Variants in CSF1R observed in about 807,000 individuals in gnomAD.
CSF1R encodes colony stimulating factor 1 receptor.
Under a neutral mutation model 110.0 loss-of-function variants are expected in CSF1R, and 40 were observed. The ratio of observed to expected loss-of-function variants is 0.36; its 90% CI spans 0.28 to 0.47. CSF1R has a LOEUF of 0.47. CSF1R is among the 20% of genes least tolerant of loss of function. CSF1R has a pLI of 0.99. For missense variants in CSF1R, 1,052 were observed against 1,253.0 expected (o/e 0.84, Z 2.42); for synonymous variants, 523 against 503.4 (o/e 1.04, Z -0.52).
intron 1 of CSF1R, among the ~76,000 whole-genome samples, chr5:150,083,269 C>T (rs1339188253): frequency 6.6e-6 from 1 of 151,018 alleles, no homozygotes; most frequent in Non-Finnish European, 1.5e-5. Flanking sequence ...TGCCCCACAC[C>T]TCTCCACTAG....
Position 150,073,411 on chromosome 5 carries a change from C to A in CSF1R, c.972G>T (p.Met324Ile), listed in dbSNP as rs769997344. ...CTTGCAGGCCTGGGTAGGCCTCCAC[C>A]ATGACTTTGAGGTTGAGCCCCTCCC... is the stretch of plus-strand genomic sequence containing the variant. ...TVGEGLNLKV[M>I]VEAYPGLQGF... The change falls in exon 6 of 21, where the codon ATG becomes ATT. Residue 324 changes from methionine to isoleucine, a missense_variant. Met to Ile is a conservative substitution (Grantham distance 10). Coordinates refer to ENST00000675795, the MANE Select transcript of CSF1R (RefSeq NM_001288705.3). The A allele has an allele frequency of 1.9e-6, 3 of 1,614,138 alleles. No individual in the cohort carries two copies. Among genetic ancestry groups the A allele is most frequent in the Non-Finnish European group, 2.5e-6 (3 of 1,180,020 alleles).
chr5:150,067,554 T>C (rs201214832), intron 10 of CSF1R, among the ~76,000 whole-genome samples: 2 of 126,732 alleles, frequency 1.6e-5, no homozygotes, highest in Non-Finnish European at 3.4e-5. Context: ...GAGCAGACAG[T>C]GACAGGAAGC....
Position 150,086,503 on chromosome 5 carries a change from C to T in CSF1R, c.-76G>A, listed in dbSNP as rs915872263. On this transcript the variant is annotated 5_prime_UTR_variant, in exon 1 of 21. Transcript: ENST00000675795. ...GCACAGAGCTCTCAGCTACTAGCTCCGCAGGGATCGGGACACTGGACACAC... is the reference window on the plus strand; with the variant it reads ...GCACAGAGCTCTCAGCTACTAGCTCTGCAGGGATCGGGACACTGGACACAC... 8.4e-6 allele frequency: 12 copies of T among 1,433,944 alleles called. No homozygotes were observed. In the East Asian group the frequency reaches 9.6e-5, roughly 11 times the overall value. The allele number at this position is 1,433,944 out of a possible 1,614,324, so 88.8% of individuals were successfully genotyped here. A position where few individuals can be genotyped will look rare whatever the true frequency, so the allele number is the denominator to read the frequency against.
chr5:150,053,604 C>T lies in CSF1R; in HGVS notation c.*465G>A. ...GAGGAGCCATCCTGCTCCAAGGGGCCTGAGCTGAGTGTGGTCTGTGAGCAT... is the reference window on the plus strand; with the variant it reads ...GAGGAGCCATCCTGCTCCAAGGGGCTTGAGCTGAGTGTGGTCTGTGAGCAT... On this transcript the variant is annotated 3_prime_UTR_variant, in exon 21 of 21. Coordinates refer to ENST00000675795, the MANE Select transcript of CSF1R (RefSeq NM_001288705.3). 1 of 265,718 alleles carries T rather than the reference C, an allele frequency of 3.8e-6. No individual in the cohort carries two copies. Among genetic ancestry groups the T allele is most frequent in the Admixed American group, 4.8e-5 (1 of 20,676 alleles). The allele number at this position is 265,718 out of a possible 1,614,324, so 16.5% of individuals were successfully genotyped here.
intron 3 of CSF1R, among the ~76,000 whole-genome samples, chr5:150,078,544 C>T (rs1049752483): frequency 1.3e-5 from 2 of 152,178 alleles, no homozygotes; most frequent in African/African-American, 4.8e-5. Flanking sequence ...CCTCCAAGCC[C>T]CCCACACCTA....
intron 5 of CSF1R, among the ~76,000 whole-genome samples, chr5:150,075,960 T>C (rs188611292): frequency 3.9e-5 from 6 of 152,252 alleles, no homozygotes; most frequent in African/African-American, 1.4e-4. Flanking sequence ...ATGATTCTCA[T>C]GCTCCTCGCC....
intron 6 of CSF1R, 31 bp downstream of exon 6, chr5:150,073,268 CGG>C (rs1758104147): frequency 1.3e-6 from 2 of 1,586,786 alleles, no homozygotes; most frequent in East Asian, 4.5e-5. Flanking sequence ...ATCTGGTTGT[CGG>C]GCTGTGTAGA....
chr5:150,068,833 C>A (rs1172217229), intron 9 of CSF1R, among the ~76,000 whole-genome samples: 1 of 152,228 alleles, frequency 6.6e-6, no homozygotes, highest in Non-Finnish European at 1.5e-5. Context: ...CCTGAGTCTC[C>A]TCTTCCCAGA....
chr5:150,075,037 A>C (rs943524847), intron 5 of CSF1R, among the ~76,000 whole-genome samples: 2 of 152,186 alleles, frequency 1.3e-5, no homozygotes, highest in African/African-American at 4.8e-5. Flanking sequence ...GTGCTCCAGG[A>C]CACAGGAACC....
intron 1 of CSF1R, among the ~76,000 whole-genome samples, chr5:150,097,839 C>G (rs183855241): frequency 2.6e-4 from 40 of 152,238 alleles, no homozygotes; most frequent in Admixed American, 6.5e-5. Flanking sequence ...TCCAGGTTAA[C>G]CTACAGATTC....
At chr5:150,080,617 A>T in intron 2 of CSF1R, 150 bp downstream of exon 2, 1 of 1,035,246 alleles carries the variant, frequency 9.7e-7, no homozygotes, top group Non-Finnish European at 1.4e-6. Context: ...TGTTGTGAGG[A>T]CTGCATTACA....
rs1436926858 is a variant in CSF1R at position 150,093,013 on chromosome 5, G to A, written c.-180-6406C>T. Among the ~76,000 whole-genome samples, 4 of 152,216 alleles carry A rather than the reference G, an allele frequency of 2.6e-5. No homozygotes were observed. The South Asian group carries it at 8.3e-4, about 32-fold the overall frequency. On this transcript the variant is annotated intron_variant, in intron 1 of 21. Coordinates refer to the CSF1R transcript ENST00000286301. ...AAATTGCCAATAAGGGGGAACTACT[G>A]CACTATGAAAAACGGGAAGAAAGGG...
At chr5:150,102,521 G>A (rs780435125) in intron 1 of CSF1R, among the ~76,000 whole-genome samples, 11 of 152,004 alleles carry the variant, frequency 7.2e-5, no homozygotes, top group African/African-American at 2.4e-4. Flanking sequence ...GCTCTATCAC[G>A]CAGGCTGGAG....
upstream of CSF1R, among the ~76,000 whole-genome samples, chr5:150,087,886 C>T (rs924231779): frequency 2.6e-5 from 4 of 152,072 alleles, no homozygotes; most frequent in Admixed American, 2.6e-4. Context: ...GGGGCATGTG[C>T]CACCATTCCT....
intron 9 of CSF1R, among the ~76,000 whole-genome samples, chr5:150,068,599 G>T (rs1377449835): frequency 6.6e-6 from 1 of 152,186 alleles, no homozygotes; most frequent in Non-Finnish European, 1.5e-5. Flanking sequence ...AGCCTCTGGG[G>T]TCATGCAGTC....
At chr5:150,091,294 A>C (rs76105632), upstream of CSF1R, among the ~76,000 whole-genome samples, 1,270 of 152,378 alleles carry the variant, frequency 8.3e-3, 12 homozygotes, top group African/African-American at 0.03. Flanking sequence ...GGTAAAACCA[A>C]AAGAATGGAA....
Position 150,053,962 on chromosome 5 carries a change from A to G in CSF1R, c.*107T>C. ...GTTTCAGAGCTGGGCCGAGCTGTTG[A>G]GTGAAATGACCGAAGGCAGAGTTTG... On this transcript the variant is annotated 3_prime_UTR_variant, in exon 21 of 21. Transcript: ENST00000675795. 8.7e-7 allele frequency: 1 copy of G among 1,150,568 alleles called. No homozygotes were observed. Among genetic ancestry groups the G allele is most frequent in the Non-Finnish European group, 1.3e-6 (1 of 794,926 alleles). The allele number at this position is 1,150,568 out of a possible 1,614,324, so 71.3% of individuals were successfully genotyped here. A position where few individuals can be genotyped will look rare whatever the true frequency, so the allele number is the denominator to read the frequency against.
At chr5:150,110,177 A>T (rs1272222723) in intron 1 of CSF1R, among the ~76,000 whole-genome samples, 1 of 150,920 alleles carries the variant, frequency 6.6e-6, no homozygotes, top group Non-Finnish European at 1.5e-5. Flanking sequence ...TCACCCCGGC[A>T]CTCCAGCTCA....
chr5:150,083,217 C>T (rs1758632083), intron 1 of CSF1R, among the ~76,000 whole-genome samples: 1 of 151,736 alleles, frequency 6.6e-6, no homozygotes, highest in African/African-American at 2.4e-5. Context: ...CTGTGCCTGT[C>T]CATTCTTCCC....
Sources: allele counts gnomAD v4.1 joint callset (sites outside exome capture counted in the v4.1 genomes callset), GRCh38; gene constraint gnomAD v4.1.1; transcripts MANE v1.5; gene names NCBI Gene and HGNC (gene_info 2026-07-23, HGNC 2026-07-21).